The following CDH12 variants were observed in gnomAD, a reference collection of about 807,000 sequenced individuals.
CDH12 encodes the protein cadherin 12, also known as cadherin-12.
Under a neutral mutation model 74.1 loss-of-function variants are expected in CDH12, and 41 were observed. The observed-to-expected ratio is 0.55, with a 90% CI of 0.43 to 0.72. The LOEUF (loss-of-function observed/expected upper bound fraction) is 0.72, where lower values mean the gene tolerates loss of function less well. CDH12 is among the 30% of genes least tolerant of loss of function. CDH12 has a pLI of 0.00. For missense variants in CDH12, 945 were observed against 977.2 expected (o/e 0.97, Z 0.44); for synonymous variants, 399 against 355.0 (o/e 1.12, Z -1.39).
intron 1 of CDH12, among the ~76,000 whole-genome samples, chr5:22,648,512 G>A (rs149236568): frequency 2.7e-3 from 404 of 151,880 alleles, no homozygotes; most frequent in African/African-American, 8.7e-3. Flanking sequence ...AGGAAAATAT[G>A]GTTGCAGTAT....
chr5:22,154,433 G>C (rs1690308654), intron 4 of CDH12, among the ~76,000 whole-genome samples: 1 of 136,212 alleles, frequency 7.3e-6, no homozygotes, highest in African/African-American at 2.8e-5. Flanking sequence ...TACATATATA[G>C]TGAATATATA....
At chr5:22,011,649 G>T (rs567333302) in intron 5 of CDH12, among the ~76,000 whole-genome samples, 19 of 152,046 alleles carry the variant, frequency 1.2e-4, no homozygotes, top group African/African-American at 2.9e-4. Flanking sequence ...TGGTTTCAAA[G>T]AATTTTTATT....
chr5:22,354,674 C>A (rs1740488933), intron 3 of CDH12, among the ~76,000 whole-genome samples: 1 of 152,100 alleles, frequency 6.6e-6, no homozygotes, highest in African/African-American at 2.4e-5. Context: ...CTAACTAGCA[C>A]TAGCTCCAAA....
chr5:22,386,879 T>C (rs1742022092), intron 3 of CDH12, among the ~76,000 whole-genome samples: 1 of 151,920 alleles, frequency 6.6e-6, no homozygotes, highest in Admixed American at 6.6e-5. Flanking sequence ...AAAAGCAAAT[T>C]TGAGAGCATA....
intron 3 of CDH12, among the ~76,000 whole-genome samples, chr5:22,246,119 C>A (rs1451280426): frequency 6.6e-6 from 1 of 152,108 alleles, no homozygotes; most frequent in Non-Finnish European, 1.5e-5. Context: ...CAAAATTATA[C>A]AGTGGATATT....
intron 4 of CDH12, among the ~76,000 whole-genome samples, chr5:22,105,347 C>A (rs1343434168): frequency 6.6e-6 from 1 of 150,908 alleles, no homozygotes; most frequent in Non-Finnish European, 1.5e-5. Context: ...CCCACCTCGG[C>A]CCCCCAAAGT....
intron 4 of CDH12, among the ~76,000 whole-genome samples, chr5:22,092,939 T>C (rs560497112): frequency 9.2e-5 from 14 of 152,282 alleles, no homozygotes; most frequent in Admixed American, 8.5e-4. Flanking sequence ...TCAAGGAAAA[T>C]GATGTCACTG....
At chr5:22,355,151 C>T (rs544441863) in intron 3 of CDH12, among the ~76,000 whole-genome samples, 2 of 143,778 alleles carry the variant, frequency 1.4e-5, no homozygotes, top group Admixed American at 1.5e-4. Flanking sequence ...GGATGACTTT[C>T]TCATCTGGGT....
intron 3 of CDH12, among the ~76,000 whole-genome samples, chr5:22,274,765 C>G (rs1047820314): frequency 6.6e-6 from 1 of 151,902 alleles, no homozygotes; most frequent in African/African-American, 2.4e-5. Context: ...CCTTTATTGT[C>G]TTACTGTCTT....
At chr5:22,073,840 T>C (rs555001469) in intron 5 of CDH12, among the ~76,000 whole-genome samples, 29 of 152,224 alleles carry the variant, frequency 1.9e-4, no homozygotes, top group Admixed American at 1.4e-3. Flanking sequence ...CATGAATACA[T>C]TCTTTTAGAT....
intron 1 of CDH12, among the ~76,000 whole-genome samples, chr5:22,545,350 G>A (rs1738270762): frequency 2.0e-5 from 3 of 152,178 alleles, no homozygotes; most frequent in African/African-American, 7.2e-5. Context: ...TTTAGCTCCA[G>A]CAATGGCAAG....
chr5:22,410,602 C>G (rs1388011524), intron 2 of CDH12, among the ~76,000 whole-genome samples: 1 of 152,086 alleles, frequency 6.6e-6, no homozygotes, highest in Non-Finnish European at 1.5e-5. Flanking sequence ...GGTCTTTGTT[C>G]TGAAGGCTCT....
chr5:22,562,860 C>A (rs1326745057), intron 1 of CDH12, among the ~76,000 whole-genome samples: 1 of 137,668 alleles, frequency 7.3e-6, no homozygotes, highest in Non-Finnish European at 1.6e-5. Context: ...CTCTTATAGT[C>A]TATATATTTT....
chr5:22,283,797 C>A (rs1737020524), intron 3 of CDH12, among the ~76,000 whole-genome samples: 1 of 152,060 alleles, frequency 6.6e-6, no homozygotes. Context: ...CATAACTCTG[C>A]AAGGCGATGG....
intron 1 of CDH12, among the ~76,000 whole-genome samples, chr5:22,543,352 T>G (rs1024489777): frequency 1.3e-5 from 2 of 152,170 alleles, no homozygotes; most frequent in Non-Finnish European, 2.9e-5. Flanking sequence ...TATTGAATGC[T>G]GTAATAGGAA....
At chr5:22,365,689 T>A (rs1014038980) in intron 3 of CDH12, among the ~76,000 whole-genome samples, 3 of 152,200 alleles carry the variant, frequency 2.0e-5, no homozygotes, top group Non-Finnish European at 4.4e-5. Context: ...AATTAACTGA[T>A]CTGCAAAAAC....
chr5:22,570,747 A>G (rs1739499953), intron 1 of CDH12, among the ~76,000 whole-genome samples: 2 of 152,216 alleles, frequency 1.3e-5, no homozygotes, highest in African/African-American at 4.8e-5. Context: ...AGCCCCTAAT[A>G]AAAGTCAGTC....
At chr5:22,148,189 T>C (rs567500039) in intron 4 of CDH12, among the ~76,000 whole-genome samples, 12 of 152,324 alleles carry the variant, frequency 7.9e-5, no homozygotes, top group Admixed American at 4.6e-4. Flanking sequence ...GTTCTTTCTA[T>C]GCCAACTTCA....
intron 3 of CDH12, among the ~76,000 whole-genome samples, chr5:22,392,425 C>G (rs538182545): frequency 6.6e-6 from 1 of 152,110 alleles, no homozygotes; most frequent in Non-Finnish European, 1.5e-5. Flanking sequence ...AATTTTGTGA[C>G]TTTGGGCAAA....
Sources: gnomAD v4.1 joint callset for allele counts (sites outside exome capture counted in the v4.1 genomes callset) on GRCh38, gnomAD v4.1.1 for gene constraint, MANE v1.5 for transcripts, NCBI Gene and HGNC (gene_info 2026-07-23, HGNC 2026-07-21) for gene names.